Variants in MAPK1IP1L observed in about 807,000 individuals in gnomAD.
MAPK1IP1L encodes MAPK-interacting and spindle-stabilizing protein-like.
In MAPK1IP1L, 10 loss-of-function variants were observed where a neutral mutation model predicts 18.1. That is an observed-to-expected ratio of 0.55 (90% CI 0.34 to 0.94). MAPK1IP1L has a LOEUF of 0.94. Ranked by LOEUF, MAPK1IP1L falls within the 40% of genes least tolerant of loss-of-function variation. MAPK1IP1L has a pLI of 0.02. For synonymous variants in MAPK1IP1L, 115 were observed against 117.3 expected (o/e 0.98, Z 0.13); for missense variants, 260 against 318.2 (o/e 0.82, Z 1.39).
In MAPK1IP1L at chr14:55,070,047, A is replaced by G. The variant is rs1471097954; in HGVS notation, c.*5420A>G. ...CTTTGCAGTGCTACTTTTGGAAGGA[A>G]TTTCTGCTTTTTGCCTTATGATTGG... On this transcript the variant is annotated 3_prime_UTR_variant, in exon 4 of 4. Transcript: ENST00000395468. 1 of 152,228 alleles carries G rather than the reference A, an allele frequency of 6.6e-6. No homozygotes were observed. Among genetic ancestry groups the G allele is most frequent in the East Asian group, 1.9e-4 (1 of 5,202 alleles). 9.4% of individuals were successfully genotyped at this position (152,228 alleles called of 1,614,324 possible).
chr14:55,065,330 A>G lies in MAPK1IP1L; in HGVS notation c.*703A>G, dbSNP rs563740980. 6.6e-6 allele frequency: 1 copy of G among 152,316 alleles called. No individual in the cohort carries two copies. Among genetic ancestry groups the G allele is most frequent in the Admixed American group, 6.5e-5 (1 of 15,298 alleles). 9.4% of individuals were successfully genotyped at this position (152,316 alleles called of 1,614,324 possible). On this transcript the variant is annotated 3_prime_UTR_variant, in exon 4 of 4. Coordinates refer to ENST00000395468, the MANE Select transcript of MAPK1IP1L (RefSeq NM_144578.4). ...TTAATCCAGGCCAACATGTATGTAA[A>G]TTAAATTTTTAGATAATTGATTATC...
chr14:55,059,124 C>T (rs1215173418), intron 1 of MAPK1IP1L, among the ~76,000 whole-genome samples: 1 of 148,086 alleles, frequency 6.8e-6, no homozygotes, highest in African/African-American at 2.5e-5. Context: ...AGATGTTCCC[C>T]TAGATTAATC....
intron 1 of MAPK1IP1L, chr14:55,060,787 A>G (rs1431221848): frequency 6.6e-6 from 1 of 152,196 alleles, no homozygotes; most frequent in African/African-American, 2.4e-5. Flanking sequence ...CATTTTGTTG[A>G]GTGCTAATTA....
rs753197670 is a variant in MAPK1IP1L at position 55,063,226 on chromosome 14, A to G, written c.627A>G (p.Thr209=). 7 of 1,614,132 alleles carry G rather than the reference A, an allele frequency of 4.3e-6. No individual in the cohort carries two copies. Among genetic ancestry groups the G allele is most frequent in the Non-Finnish European group, 5.1e-6 (6 of 1,180,008 alleles). ...WGPPAPYPAP[T]GSYPTPGLYP... ...CACCAGCACCATATCCTGCCCCTACAGGATCGTATCCCACACCAGGACTCT... is the reference window on the plus strand; with the variant it reads ...CACCAGCACCATATCCTGCCCCTACGGGATCGTATCCCACACCAGGACTCT... Residue 209 remains threonine (T), a synonymous_variant, in exon 3 of 4, where the codon ACA becomes ACG. Transcript: ENST00000395468.
rs1174093402 is a variant in MAPK1IP1L, at chr14:55,068,985, T to C, written c.*4358T>C. ...GGAAATTGTAACCAGCCTTTGGGCA[T>C]CTTAAAGGGTGACATGTGGCATGCC... On this transcript the variant is annotated 3_prime_UTR_variant, in exon 4 of 4. Coordinates refer to ENST00000395468, the MANE Select transcript of MAPK1IP1L (RefSeq NM_144578.4). The C allele has an allele frequency of 6.6e-6, 1 of 152,074 alleles. No individual in the cohort carries two copies. Among genetic ancestry groups the C allele is most frequent in the Non-Finnish European group, 1.5e-5 (1 of 68,008 alleles). 9.4% of individuals were successfully genotyped at this position (152,074 alleles called of 1,614,324 possible).
At position 55,068,105 on chromosome 14, in the gene MAPK1IP1L, A is replaced by C. The variant is rs923826375; in HGVS notation, c.*3478A>C. 2.0e-4 allele frequency: 31 copies of C among 152,284 alleles called. No homozygotes were observed. Among genetic ancestry groups the C allele is most frequent in the African/African-American group, 7.5e-4 (31 of 41,540 alleles). The allele number at this position is 152,284 out of a possible 1,614,324, so 9.4% of individuals were successfully genotyped here. ...CCATTTACAGCTCTGACTCAGCCCT[A>C]TTTTGTGTAAAGTAATATATTGATT... On this transcript the variant is annotated 3_prime_UTR_variant, in exon 4 of 4. Transcript: ENST00000395468.
intron 1 of MAPK1IP1L, among the ~76,000 whole-genome samples, chr14:55,055,809 A>G (rs887447726): frequency 6.6e-6 from 1 of 152,118 alleles, no homozygotes; most frequent in Non-Finnish European, 1.5e-5. Context: ...ACGTGCCTAT[A>G]ATCCCAGCTA....
chr14:55,069,488 T>C lies in MAPK1IP1L; in HGVS notation c.*4861T>C, dbSNP rs942618486. Reference sequence around the variant, plus strand: ...TTGGTATTTTTTAAGATAAACTTGTTTGCTTTTGTGTATTATACCTGGAAA... The same window carrying C: ...TTGGTATTTTTTAAGATAAACTTGTCTGCTTTTGTGTATTATACCTGGAAA... On this transcript the variant is annotated 3_prime_UTR_variant, in exon 4 of 4. Coordinates refer to ENST00000395468, the MANE Select transcript of MAPK1IP1L (RefSeq NM_144578.4). 4 of 152,646 alleles carry C rather than the reference T, an allele frequency of 2.6e-5. No individual in the cohort carries two copies. Among genetic ancestry groups the C allele is most frequent in the African/African-American group, 9.7e-5 (4 of 41,440 alleles). The allele number at this position is 152,646 out of a possible 1,614,324, so 9.5% of individuals were successfully genotyped here.
At chr14:55,059,245 A>AAAAAAAAAAG (rs2042796898) in intron 1 of MAPK1IP1L, among the ~76,000 whole-genome samples, 1 of 146,906 alleles carries the variant, frequency 6.8e-6, no homozygotes. Context: ...AAAAAAAAAA[A>AAAAAAAAAAG]GACAGTAGGG....
At position 55,063,237 on chromosome 14, in the gene MAPK1IP1L, C is replaced by A. The variant is rs2042834211; in HGVS notation, c.638C>A (p.Pro213His). The change falls in exon 3 of 4, where the codon CCC becomes CAC. Residue 213 changes from proline (P) to histidine (H), a missense_variant. Transcript: ENST00000395468. ...TATCCTGCCCCTACAGGATCGTATC[C>A]CACACCAGGACTCTATCCTACTCCC... ...APYPAPTGSY[P>H]TPGLYPTPSN... The A allele has an allele frequency of 6.2e-7, 1 of 1,614,168 alleles. No individual in the cohort carries two copies. The highest frequency in any genetic ancestry group is 2.2e-5 in the East Asian group (1 of 44,874).
At position 55,064,946 on chromosome 14, in the gene MAPK1IP1L, A is replaced by G; in HGVS notation, c.*319A>G. ...TATGAAACTACACACTTAAAAATCT[A>G]AGATGTGGATTATTGTTAGAATCTG... is the stretch of plus-strand genomic sequence containing the variant. On this transcript the variant is annotated 3_prime_UTR_variant, in exon 4 of 4. Transcript: ENST00000395468. 1 of 238,882 alleles carries G rather than the reference A, an allele frequency of 4.2e-6. No homozygotes were observed. Among genetic ancestry groups the G allele is most frequent in the South Asian group, 1.7e-4 (1 of 5,772 alleles). The allele number at this position is 238,882 out of a possible 1,614,324, so 14.8% of individuals were successfully genotyped here. A position where few individuals can be genotyped will look rare whatever the true frequency, so the allele number is the denominator to read the frequency against.
At chr14:55,059,176 ATT>A (rs199784478) in intron 1 of MAPK1IP1L, among the ~76,000 whole-genome samples, 1 of 132,462 alleles carries the variant, frequency 7.5e-6, no homozygotes. Context: ...TAACACATTA[ATT>A]TTTTTTTTTA....
Position 55,068,851 on chromosome 14 carries a change from G to A in MAPK1IP1L, c.*4224G>A, listed in dbSNP as rs1188095920. On this transcript the variant is annotated 3_prime_UTR_variant, in exon 4 of 4. Transcript: ENST00000395468. ...GATCCAGGTTCTTTGCCAGCTATAA[G>A]GGAATCCCTGTCCTTGAGAGGCTCA... The A allele has an allele frequency of 3.3e-5, 5 of 152,160 alleles. No homozygotes were observed. The highest frequency in any genetic ancestry group is 7.3e-5 in the Non-Finnish European group (5 of 68,030). 9.4% of individuals were successfully genotyped at this position (152,160 alleles called of 1,614,324 possible).
intron 1 of MAPK1IP1L, among the ~76,000 whole-genome samples, chr14:55,055,963 T>A (rs1474602611): frequency 2.0e-5 from 3 of 152,106 alleles, no homozygotes; most frequent in Non-Finnish European, 4.4e-5. Flanking sequence ...AATTATTTAT[T>A]TCTGGAATTT....
intron 1 of MAPK1IP1L, among the ~76,000 whole-genome samples, chr14:55,060,204 C>G (rs749774748): frequency 3.4e-5 from 4 of 117,592 alleles, no homozygotes; most frequent in Non-Finnish European, 6.4e-5. Flanking sequence ...TGGAGTAGCC[C>G]TCCGTTGCCC....
At chr14:55,056,581 C>T (rs1428816136) in intron 1 of MAPK1IP1L, among the ~76,000 whole-genome samples, 2 of 152,152 alleles carry the variant, frequency 1.3e-5, no homozygotes, top group African/African-American at 4.8e-5. Context: ...TTGATCTCAG[C>T]TCACTGCAAG....
rs1412043638 is a variant in MAPK1IP1L at position 55,067,949 on chromosome 14, A to G, written c.*3322A>G. ...GTTTTGAAATGTTGAAACCAAAAAG[A>G]CAAAAATTAAAACATAGACCTTAGG... On this transcript the variant is annotated 3_prime_UTR_variant, in exon 4 of 4. Transcript: ENST00000395468. 1 of 152,180 alleles carries G rather than the reference A, an allele frequency of 6.6e-6. No individual in the cohort carries two copies. The highest frequency in any genetic ancestry group is 6.5e-5 in the Admixed American group (1 of 15,276). 9.4% of individuals were successfully genotyped at this position (152,180 alleles called of 1,614,324 possible).
intron 3 of MAPK1IP1L, among the ~76,000 whole-genome samples, chr14:55,064,409 T>C (rs2140262399): frequency 6.6e-6 from 1 of 152,324 alleles, no homozygotes; most frequent in African/African-American, 2.4e-5. Context: ...AAAGTACCCC[T>C]AAAACTTCCT....
At chr14:55,064,511 C>A (rs1378290599) in intron 3 of MAPK1IP1L, 105 bp from the exon 4 acceptor site, 4 of 903,360 alleles carry the variant, frequency 4.4e-6, no homozygotes, top group African/African-American at 3.3e-5. Context: ...ATGTGACTTG[C>A]TGTTTGGATT....
Sources: gnomAD v4.1 joint callset for allele counts (sites outside exome capture counted in the v4.1 genomes callset) on GRCh38, gnomAD v4.1.1 for gene constraint, MANE v1.5 for transcripts, NCBI Gene and HGNC (gene_info 2026-07-23, HGNC 2026-07-21) for gene names.